The following SVEP1 variants were observed in gnomAD, a reference collection of about 807,000 sequenced individuals.
The protein encoded by SVEP1 is sushi, von Willebrand factor type A, EGF and pentraxin domain-containing protein 1.
A neutral mutation model predicts 367.3 loss-of-function variants in SVEP1; 164 were observed. The ratio of observed to expected loss-of-function variants is 0.45; its 90% CI spans 0.39 to 0.51. SVEP1 has a LOEUF of 0.51. SVEP1 is among the 20% of genes least tolerant of loss of function. The probability of loss-of-function intolerance (pLI) is 0.00; values close to 1 mark genes in which losing one functional copy is unlikely to be tolerated. For missense variants in SVEP1, 4,117 were observed against 4,425.3 expected (o/e 0.93, Z 1.98); for synonymous variants, 1,666 against 1,611.6 (o/e 1.03, Z -0.81).
chr9:110,512,608 T>C lies in SVEP1; in HGVS notation c.1303+318A>G, dbSNP rs151159557. On this transcript the variant is annotated intron_variant, in intron 5 of 47. Transcript: ENST00000374469. ...AATTCCAAGAGGCATCAGTCTCCAC[T>C]CTGATTATTCTAAACTCTCCTTTAT... Among the ~76,000 whole-genome samples, 536 of 152,312 alleles carry C rather than the reference T, an allele frequency of 3.5e-3. 2 individuals carry two copies. Among genetic ancestry groups the C allele is most frequent in the African/African-American group, 0.012 (497 of 41,560 alleles).
intron 44 of SVEP1, among the ~76,000 whole-genome samples, chr9:110,379,034 A>T (rs113180428): frequency 4.7e-5 from 7 of 149,836 alleles, no homozygotes; most frequent in African/African-American, 1.8e-4. Context: ...ATATTTGTAG[A>T]ATGAATGAAA....
chr9:110,489,600 C>T (rs768135387), intron 9 of SVEP1, 50 bp downstream of exon 9: 7 of 1,548,152 alleles, frequency 4.5e-6, no homozygotes, highest in African/African-American at 4.1e-5. Flanking sequence ...ATGGGAGCCA[C>T]AGTTCAAGAT....
intron 20 of SVEP1, chr9:110,457,978 GT>G: frequency 3.1e-6 from 1 of 322,866 alleles, no homozygotes; most frequent in Non-Finnish European, 5.9e-6. Context: ...AACTAGTCTT[GT>G]AAAAAATATA....
In SVEP1 at chr9:110,427,778, T is replaced by C. The variant is rs749736264; in HGVS notation, c.5808-20A>G. 2 of 1,600,344 alleles carry C rather than the reference T, an allele frequency of 1.2e-6. No individual in the cohort carries two copies. Among genetic ancestry groups the C allele is most frequent in the Admixed American group, 1.7e-5 (1 of 57,996 alleles). ...TGTAAGCTGCGGGAAAGAATGATGT[T>C]ACTCTTTCATTGGCTATGGATTTGC... On this transcript the variant is annotated intron_variant, in intron 35 of 47. Transcript: ENST00000374469.
rs182596885 is a variant in SVEP1 at position 110,544,073 on chromosome 9, G to A, written c.964+2042C>T. 8.9e-4 allele frequency among the ~76,000 whole-genome samples: 135 copies of A among 151,582 alleles called. 1 individual carries two copies. The highest frequency in any genetic ancestry group is 8.5e-3 in the Admixed American group (129 of 15,186). ...GCTGGGATCAAGGCCAGAGGAAGCA[G>A]GAAAAATTAAGGGAAAGGAGATGAG... On this transcript the variant is annotated intron_variant, in intron 3 of 47. Transcript: ENST00000374469.
At position 110,397,837 on chromosome 9, in the gene SVEP1, A is replaced by T. The variant is rs1827789670; in HGVS notation, c.9822+3017T>A. On this transcript the variant is annotated intron_variant, in intron 40 of 47. Coordinates refer to ENST00000374469, the MANE Select transcript of SVEP1 (RefSeq NM_153366.4). Reference sequence around the variant, plus strand: ...ACTACAAACCACTGCTCAATGAAATAAAAGAGGATACAAAGAAATGGAAGA... The same window carrying T: ...ACTACAAACCACTGCTCAATGAAATTAAAGAGGATACAAAGAAATGGAAGA... 4.6e-5 allele frequency among the ~76,000 whole-genome samples: 7 copies of T among 152,136 alleles called. No individual in the cohort carries two copies. In the South Asian group the frequency reaches 1.5e-3, roughly 32 times the overall value.
At chr9:110,520,293 A>T (rs1268840851) in intron 3 of SVEP1, among the ~76,000 whole-genome samples, 9 of 152,150 alleles carry the variant, frequency 5.9e-5, no homozygotes, top group Non-Finnish European at 2.9e-5. Flanking sequence ...CCTCATCCCA[A>T]ACCAAGCAAA....
intron 9 of SVEP1, among the ~76,000 whole-genome samples, chr9:110,485,178 T>C (rs1330669008): frequency 6.6e-6 from 1 of 152,118 alleles, no homozygotes; most frequent in African/African-American, 2.4e-5. Flanking sequence ...AGACATGGAA[T>C]CAACCCAAAT....
rs116017868 is a variant in SVEP1 at position 110,522,818 on chromosome 9, T to A, written c.965-8712A>T. Among the ~76,000 whole-genome samples the A allele has an allele frequency of 6.6e-3, 1,004 of 152,310 alleles. 13 individuals are homozygous for A. The highest frequency in any genetic ancestry group is 0.022 in the African/African-American group (911 of 41,578). ...TACCTCACATTCAATAAGAAATTAGTCTGTAGTCGTTTGGAAATACGGATT... is the reference window on the plus strand; with the variant it reads ...TACCTCACATTCAATAAGAAATTAGACTGTAGTCGTTTGGAAATACGGATT... On this transcript the variant is annotated intron_variant, in intron 3 of 47. Transcript: ENST00000374469.
chr9:110,520,283 C>T (rs1197531240), intron 3 of SVEP1, among the ~76,000 whole-genome samples: 3 of 151,986 alleles, frequency 2.0e-5, no homozygotes, highest in Non-Finnish European at 2.9e-5. Flanking sequence ...GGGGAAAATT[C>T]CTCATCCCAA....
At chr9:110,405,643 A>G (rs1387056403) in intron 38 of SVEP1, among the ~76,000 whole-genome samples, 1 of 152,206 alleles carries the variant, frequency 6.6e-6, no homozygotes, top group African/African-American at 2.4e-5. Flanking sequence ...GGAATACAGC[A>G]TAATTCATAT....
At chr9:110,577,527 T>C (rs1348751837) in intron 1 of SVEP1, among the ~76,000 whole-genome samples, 1 of 152,170 alleles carries the variant, frequency 6.6e-6, no homozygotes, top group Non-Finnish European at 1.5e-5. Flanking sequence ...ACTATTTCTC[T>C]GATTTGGGAA....
At chr9:110,503,710 A>G (rs1220607791) in intron 5 of SVEP1, among the ~76,000 whole-genome samples, 1 of 152,224 alleles carries the variant, frequency 6.6e-6, no homozygotes, top group Non-Finnish European at 1.5e-5. Flanking sequence ...AACTTCTGCC[A>G]TCTTCGGTTG....
intron 36 of SVEP1, among the ~76,000 whole-genome samples, chr9:110,424,655 A>G (rs944463587): frequency 6.6e-6 from 1 of 151,986 alleles, no homozygotes; most frequent in Non-Finnish European, 1.5e-5. Context: ...AAATAGAGAG[A>G]ATTTTATTTT....
At chr9:110,481,512 A>C in intron 11 of SVEP1, 76 bp from the exon 12 acceptor site, 1 of 1,179,078 alleles carries the variant, frequency 8.5e-7, no homozygotes, top group South Asian at 2.5e-5. Flanking sequence ...CTTAAGCAGA[A>C]TTTTGAAAAG....
chr9:110,388,850 C>G (rs1186257842), intron 41 of SVEP1, among the ~76,000 whole-genome samples: 3 of 151,738 alleles, frequency 2.0e-5, no homozygotes, highest in East Asian at 3.9e-4. Flanking sequence ...ATGCCTGTAG[C>G]CCCAGCTACT....
Position 110,374,649 on chromosome 9 carries a change from C to T in SVEP1, c.10600+719G>A, listed in dbSNP as rs1927154. 2.6e-3 allele frequency among the ~76,000 whole-genome samples: 397 copies of T among 151,670 alleles called. 3 individuals are homozygous for T. Among genetic ancestry groups the T allele is most frequent in the African/African-American group, 9.0e-3 (371 of 41,332 alleles). ...TGGGTGACAAGAGTGAAACTCTGTT[C>T]TCAAAAAACAAAACAAAACAAAACA... On this transcript the variant is annotated intron_variant, in intron 46 of 47. Transcript: ENST00000374469.
chr9:110,571,902 T>C (rs1210453083), intron 1 of SVEP1, among the ~76,000 whole-genome samples: 1 of 152,228 alleles, frequency 6.6e-6, no homozygotes, highest in Non-Finnish European at 1.5e-5. Context: ...TATCTCCTGA[T>C]TTTAAAATGT....
At position 110,434,573 on chromosome 9, in the gene SVEP1, T is replaced by C. The variant is rs188710034; in HGVS notation, c.4889-67A>G. On this transcript the variant is annotated intron_variant, in intron 29 of 47. Transcript: ENST00000374469. ...AGTGGTAGCATCACCAAGTCAATGATTTCAAACTGTATTCTGTATCAGCAT... is the reference window on the plus strand; with the variant it reads ...AGTGGTAGCATCACCAAGTCAATGACTTCAAACTGTATTCTGTATCAGCAT... 1.1e-4 allele frequency: 167 copies of C among 1,492,150 alleles called. 1 individual carries two copies. The Middle Eastern group carries it at 2.2e-3, about 19-fold the overall frequency. The allele number at this position is 1,492,150 out of a possible 1,614,324, so 92.4% of individuals were successfully genotyped here.
Sources: allele counts gnomAD v4.1 joint callset (sites outside exome capture counted in the v4.1 genomes callset), GRCh38; gene constraint gnomAD v4.1.1; transcripts MANE v1.5; gene names NCBI Gene and HGNC (gene_info 2026-07-23, HGNC 2026-07-21).